The following GRM7 variants were observed in gnomAD, a reference collection of about 807,000 sequenced individuals.
The protein encoded by GRM7 is glutamate metabotropic receptor 7.
Under a neutral mutation model 84.5 loss-of-function variants are expected in GRM7, and 35 were observed. That is an observed-to-expected ratio of 0.41 (90% CI 0.32 to 0.55). The LOEUF (loss-of-function observed/expected upper bound fraction) is 0.55, where lower values mean the gene tolerates loss of function less well. Among genes scored for constraint, GRM7 ranks in the 20% least tolerant of loss-of-function variants. GRM7 has a pLI of 0.19. For synonymous variants in GRM7, 487 were observed against 455.1 expected (o/e 1.07, Z -0.89); for missense variants, 1,003 against 1,194.6 (o/e 0.84, Z 2.36).
At chr3:7,376,017 T>C (rs555572873) in intron 4 of GRM7, among the ~76,000 whole-genome samples, 1 of 152,310 alleles carries the variant, frequency 6.6e-6, no homozygotes, top group South Asian at 2.1e-4. Context: ...TCAGAGAGCC[T>C]TATTGAGTAG....
chr3:7,467,987 T>G (rs955590088), intron 7 of GRM7, among the ~76,000 whole-genome samples: 1 of 152,218 alleles, frequency 6.6e-6, no homozygotes, highest in East Asian at 1.9e-4. Context: ...TATTAGAATT[T>G]TGGCTGTCAC....
chr3:7,028,853 TA>T (rs1232843871), intron 1 of GRM7, among the ~76,000 whole-genome samples: 2 of 152,216 alleles, frequency 1.3e-5, no homozygotes, highest in Non-Finnish European at 2.9e-5. Context: ...GAAAAATGTA[TA>T]ATAATACAAT....
intron 6 of GRM7, among the ~76,000 whole-genome samples, chr3:7,460,868 C>T (rs3804969): frequency 0.36 from 54,869 of 151,900 alleles, 11,135 homozygotes; most frequent in Non-Finnish European, 0.48. Flanking sequence ...TAGGTATATA[C>T]GCTTAATAAA....
intron 2 of GRM7, among the ~76,000 whole-genome samples, chr3:7,247,602 T>TAAA (rs1223872815): frequency 7.8e-5 from 8 of 102,574 alleles, no homozygotes; most frequent in African/African-American, 1.7e-4. Flanking sequence ...TCTTTTTTTT[T>TAAA]AAAAAAAAAA....
At chr3:7,356,759 A>G (rs1693422758) in intron 4 of GRM7, among the ~76,000 whole-genome samples, 1 of 152,084 alleles carries the variant, frequency 6.6e-6, no homozygotes, top group Non-Finnish European at 1.5e-5. Flanking sequence ...GAGGGGTCTC[A>G]GGCCTTTGGC....
At chr3:7,648,022 C>T (rs1453866526) in intron 8 of GRM7, among the ~76,000 whole-genome samples, 3 of 152,092 alleles carry the variant, frequency 2.0e-5, no homozygotes, top group Non-Finnish European at 4.4e-5. Context: ...GAAGCTCACT[C>T]GGCCTAACTG....
At chr3:7,238,992 TTTTCCTTTTTC>T (rs1364226719) in intron 2 of GRM7, among the ~76,000 whole-genome samples, 1 of 102,242 alleles carries the variant, frequency 9.8e-6, no homozygotes, top group Non-Finnish European at 2.1e-5. Flanking sequence ...TTCTTTTCTT[TTTTCCTTTTTC>T]TTTTTTTTGA....
Position 7,435,040 on chromosome 3 carries a change from AT to A in GRM7, c.1175-17559del, listed in dbSNP as rs200904055. 3.3e-3 allele frequency among the ~76,000 whole-genome samples: 496 copies of A among 151,978 alleles called. 6 individuals carry two copies. Among genetic ancestry groups the A allele is most frequent in the South Asian group, 0.022 (106 of 4,812 alleles). ...GAGCTTTGTAGTTTATATCTCTTAA[AT>A]TTTTTTTCATTTTACCTAAATTAAT... On this transcript the variant is annotated intron_variant, in intron 5 of 9. Transcript: ENST00000357716.
chr3:7,147,644 G>A (rs2125067354), intron 2 of GRM7, among the ~76,000 whole-genome samples: 1 of 152,242 alleles, frequency 6.6e-6, no homozygotes, highest in African/African-American at 2.4e-5. Flanking sequence ...CAGAAATAAA[G>A]CGCTTCCGGA....
chr3:7,653,454 G>A (rs1437575672), intron 8 of GRM7, among the ~76,000 whole-genome samples: 2 of 151,980 alleles, frequency 1.3e-5, no homozygotes, highest in Non-Finnish European at 2.9e-5. Flanking sequence ...CTCTGAGGAA[G>A]GTCTGTTTCT....
intron 1 of GRM7, among the ~76,000 whole-genome samples, chr3:7,076,877 A>G (rs528173287): frequency 1.3e-5 from 2 of 152,318 alleles, no homozygotes; most frequent in African/African-American, 4.8e-5. Context: ...ACTTAAATTT[A>G]CAAGAAAAAG....
Position 6,880,262 on chromosome 3 carries a change from G to T in GRM7, c.519+18355G>T, listed in dbSNP as rs191567564. ...TATTTTATGCATTTTACCTTGAATA[G>T]TGGGGAAAAATTACTTATCTGTAAA... is the stretch of plus-strand genomic sequence containing the variant. On this transcript the variant is annotated intron_variant, in intron 1 of 9. Transcript: ENST00000357716. Among the ~76,000 whole-genome samples the T allele has an allele frequency of 1.0e-3, 156 of 152,294 alleles. 2 individuals carry two copies. In the East Asian group the frequency reaches 0.017, roughly 17 times the overall value.
chr3:7,380,775 T>C (rs1694557727), intron 4 of GRM7, among the ~76,000 whole-genome samples: 1 of 152,202 alleles, frequency 6.6e-6, no homozygotes, highest in African/African-American at 2.4e-5. Flanking sequence ...TGCCAGGTCA[T>C]GAAGGTTCAG....
intron 7 of GRM7, among the ~76,000 whole-genome samples, chr3:7,474,326 C>G (rs1234000795): frequency 6.6e-6 from 1 of 151,998 alleles, no homozygotes; most frequent in Non-Finnish European, 1.5e-5. Flanking sequence ...GCTGGAATCC[C>G]CTACCCTATA....
intron 1 of GRM7, among the ~76,000 whole-genome samples, chr3:7,118,593 G>T (rs116812031): frequency 3.2e-3 from 462 of 146,196 alleles, no homozygotes; most frequent in Middle Eastern, 0.01. Context: ...TTGGAGGCTC[G>T]ATCTTTCCAA....
chr3:7,367,363 G>A (rs1401847210), intron 4 of GRM7, among the ~76,000 whole-genome samples: 1 of 151,122 alleles, frequency 6.6e-6, no homozygotes, highest in African/African-American at 2.4e-5. Context: ...TCTTTTTGTT[G>A]GAGGGTATTT....
intron 2 of GRM7, among the ~76,000 whole-genome samples, chr3:7,199,336 A>C (rs1179110812): frequency 6.6e-6 from 1 of 152,220 alleles, no homozygotes; most frequent in Non-Finnish European, 1.5e-5. Context: ...TGGGCCTTCC[A>C]GCTCAGTTGC....
chr3:6,937,668 G>A (rs1030355024), intron 1 of GRM7, among the ~76,000 whole-genome samples: 1 of 152,132 alleles, frequency 6.6e-6, no homozygotes, highest in East Asian at 1.9e-4. Context: ...TCTGTGATTT[G>A]CTTACAGGGG....
chr3:7,441,927 G>A (rs1196800179), intron 5 of GRM7, among the ~76,000 whole-genome samples: 4 of 151,566 alleles, frequency 2.6e-5, no homozygotes, highest in African/African-American at 9.7e-5. Context: ...CTTCAGTTTT[G>A]TTCTTTTTGC....
Sources: allele counts gnomAD v4.1 joint callset (sites outside exome capture counted in the v4.1 genomes callset), GRCh38; gene constraint gnomAD v4.1.1; transcripts MANE v1.5; gene names NCBI Gene and HGNC (gene_info 2026-07-23, HGNC 2026-07-21).